Variants in RIPOR2 observed in about 807,000 individuals in gnomAD.
RIPOR2 encodes RHO family interacting cell polarization regulator 2, also known as rho family-interacting cell polarization regulator 2.
Under a neutral mutation model 114.5 loss-of-function variants are expected in RIPOR2, and 39 were observed. The observed-to-expected ratio is 0.34, with a 90% confidence interval of 0.26 to 0.44. The LOEUF (loss-of-function observed/expected upper bound fraction) is 0.44. Ranked by LOEUF, RIPOR2 falls within the 20% of genes least tolerant of loss-of-function variation. The probability of loss-of-function intolerance (pLI) is 1.00; values close to 1 mark genes in which losing one functional copy is unlikely to be tolerated. For missense variants in RIPOR2, 1,007 were observed against 1,255.1 expected (o/e 0.80, Z 2.99); for synonymous variants, 445 against 484.4 (o/e 0.92, Z 1.07).
At chr6:25,034,888 T>G (rs777473678) in intron 1 of RIPOR2, among the ~76,000 whole-genome samples, 1 of 152,190 alleles carries the variant, frequency 6.6e-6, no homozygotes, top group African/African-American at 2.4e-5. Context: ...TTCTCCAGTT[T>G]CCCATCATTT....
intron 8 of RIPOR2, among the ~76,000 whole-genome samples, chr6:24,853,997 G>A (rs1763199322): frequency 6.6e-6 from 1 of 151,948 alleles, no homozygotes; most frequent in East Asian, 1.9e-4. Flanking sequence ...GTGCATGCCT[G>A]TAGTCCCAGC....
chr6:24,882,413 G>A (rs1766434687), intron 1 of RIPOR2, among the ~76,000 whole-genome samples: 1 of 152,182 alleles, frequency 6.6e-6, no homozygotes, highest in Admixed American at 6.5e-5. Flanking sequence ...TAGAAGTGCT[G>A]GAGGCATTGA....
At chr6:24,970,900 T>TC (rs1447823512) in intron 1 of RIPOR2, among the ~76,000 whole-genome samples, 3 of 151,492 alleles carry the variant, frequency 2.0e-5, no homozygotes, top group Non-Finnish European at 4.4e-5. Flanking sequence ...CACAAATTTT[T>TC]TTAACATCTC....
At position 24,835,848 on chromosome 6, in the gene RIPOR2, G is replaced by A; in HGVS notation, c.2063C>T (p.Ala688Val). 1 of 1,551,548 alleles carries A rather than the reference G, an allele frequency of 6.4e-7. No individual in the cohort carries two copies. Residue 688 changes from alanine (A) to valine (V), a missense_variant, in exon 15 of 22, where the codon GCC becomes GTC. Coordinates refer to ENST00000643898, the MANE Select transcript of RIPOR2 (RefSeq NM_001286445.3). ...GAGCGCTTCACTGAGATGCCCCCTG[G>A]CTTCTGGGTGAACCGACCTGTAACT... ...KHSYRSVHPEARGHLSEALTE... is the reference protein window; with the variant it reads ...KHSYRSVHPEVRGHLSEALTE...
At chr6:25,017,938 T>C (rs1014991533) in intron 1 of RIPOR2, among the ~76,000 whole-genome samples, 4 of 152,238 alleles carry the variant, frequency 2.6e-5, no homozygotes, top group Non-Finnish European at 5.9e-5. Context: ...TGGTTCTTAG[T>C]AGAATAGTTA....
chr6:24,864,428 A>G (rs905307414), intron 7 of RIPOR2, among the ~76,000 whole-genome samples: 7 of 152,212 alleles, frequency 4.6e-5, no homozygotes, highest in African/African-American at 1.7e-4. Flanking sequence ...GACAAGAGGC[A>G]ACACGGGAGT....
At chr6:24,884,191 G>A (rs1445980212) in intron 1 of RIPOR2, among the ~76,000 whole-genome samples, 3 of 151,946 alleles carry the variant, frequency 2.0e-5, no homozygotes, top group Admixed American at 2.0e-4. Flanking sequence ...GGCGGATCAT[G>A]AGGTCAGGAG....
intron 19 of RIPOR2, among the ~76,000 whole-genome samples, chr6:24,822,318 G>C (rs149913716): frequency 2.0e-5 from 3 of 152,144 alleles, no homozygotes; most frequent in Non-Finnish European, 4.4e-5. Flanking sequence ...CACAAATATT[G>C]TAACCATGTG....
chr6:24,852,721 G>A (rs369949027), intron 8 of RIPOR2, 103 bp from the exon 9 acceptor site: 9 of 871,036 alleles, frequency 1.0e-5, no homozygotes, highest in African/African-American at 3.5e-5. Flanking sequence ...TCAGAACTTT[G>A]TGCAAACTCA....
intron 1 of RIPOR2, among the ~76,000 whole-genome samples, chr6:24,935,146 AAAAATAC>A (rs1771675898): frequency 6.6e-6 from 1 of 152,012 alleles, no homozygotes. Flanking sequence ...CATCTCTACT[AAAAATAC>A]AAAAATTAGC....
At position 24,858,378 on chromosome 6, in the gene RIPOR2, G is replaced by A. The variant is rs1194483589; in HGVS notation, c.715+2595C>T. ...AGGGAAGTGAGGAAGGGTGTGGCAC[G>A]AGGAAGTTAGTGGTTGCCAGGTCTG... On this transcript the variant is annotated intron_variant, in intron 8 of 21. Coordinates refer to ENST00000643898, the MANE Select transcript of RIPOR2 (RefSeq NM_001286445.3). The surrounding 1 kb of genome is among the most constrained non-coding windows in gnomAD (Gnocchi z 4.0). Among the ~76,000 whole-genome samples the A allele has an allele frequency of 2.0e-5, 3 of 152,184 alleles. No homozygotes were observed. Among genetic ancestry groups the A allele is most frequent in the East Asian group, 1.9e-4 (1 of 5,200 alleles).
intron 1 of RIPOR2, chr6:24,910,947 C>T: frequency 2.0e-6 from 2 of 985,420 alleles, no homozygotes; most frequent in Non-Finnish European, 1.2e-6. Context: ...AGCTGGCTCA[C>T]TTGGGTGAAG....
intron 1 of RIPOR2, among the ~76,000 whole-genome samples, chr6:24,887,611 T>C (rs1394989665): frequency 6.6e-6 from 1 of 152,240 alleles, no homozygotes; most frequent in Admixed American, 6.5e-5. Context: ...TTGACATTAC[T>C]GCTCTCCCTT....
At chr6:24,868,754 G>A (rs549739194) in intron 6 of RIPOR2, among the ~76,000 whole-genome samples, 5 of 152,346 alleles carry the variant, frequency 3.3e-5, no homozygotes, top group African/African-American at 1.2e-4. Flanking sequence ...GAACCAGAGT[G>A]TAAAGTTAGA....
intron 1 of RIPOR2, among the ~76,000 whole-genome samples, chr6:24,987,760 A>G (rs985065852): frequency 3.3e-5 from 5 of 152,222 alleles, no homozygotes; most frequent in African/African-American, 1.2e-4. Context: ...GGCATATACC[A>G]CATGGGATAA....
upstream of RIPOR2, among the ~76,000 whole-genome samples, chr6:24,937,213 A>G (rs942355684): frequency 1.3e-5 from 2 of 152,212 alleles, no homozygotes; most frequent in African/African-American, 4.8e-5. Context: ...ATTGTTGTCA[A>G]TCAGGGCTGG....
chr6:24,825,430 T>C lies in RIPOR2; in HGVS notation c.2666-2A>G, dbSNP rs1416686785. ...ATTGCAGAGTCTGAACCATGGAAAC[T>C]GGAGGGTAAGAAGGAAGGAGATTTC... On this transcript the variant is annotated splice_acceptor_variant, in intron 18 of 21. Coordinates refer to ENST00000643898, the MANE Select transcript of RIPOR2 (RefSeq NM_001286445.3). LOFTEE classifies it high-confidence loss of function. 1.3e-6 allele frequency: 2 copies of C among 1,549,806 alleles called. No individual in the cohort carries two copies. Among genetic ancestry groups the C allele is most frequent in the Non-Finnish European group, 1.7e-6 (2 of 1,144,952 alleles).
At chr6:24,920,873 C>T (rs1770429415) in intron 1 of RIPOR2, among the ~76,000 whole-genome samples, 1 of 152,192 alleles carries the variant, frequency 6.6e-6, no homozygotes. Context: ...TCATCCTTGA[C>T]CACTTTTTCC....
At chr6:24,983,105 TGGGTTG>T (rs1234762195) in intron 1 of RIPOR2, among the ~76,000 whole-genome samples, 1 of 152,094 alleles carries the variant, frequency 6.6e-6, no homozygotes. Context: ...TCTATGCTCC[TGGGTTG>T]TTGCAGTCCG....
Sources: gnomAD v4.1 joint callset for allele counts (sites outside exome capture counted in the v4.1 genomes callset) on GRCh38, gnomAD v4.1.1 for gene constraint, Gnocchi (gnomAD v3.1) non-coding constraint, MANE v1.5 for transcripts, NCBI Gene and HGNC (gene_info 2026-07-23, HGNC 2026-07-21) for gene names.